Variants in ADCY2 observed in about 807,000 individuals in gnomAD.
ADCY2 encodes the protein adenylate cyclase 2, also known as adenylate cyclase type 2.
A neutral mutation model predicts 125.2 loss-of-function variants in ADCY2; 31 were observed. The ratio of observed to expected loss-of-function variants is 0.25; its 90% CI spans 0.19 to 0.33. The LOEUF is 0.33. Among genes scored for constraint, ADCY2 ranks in the 10% least tolerant of loss-of-function variants. The pLI is 1.00. For synonymous variants in ADCY2, 512 were observed against 548.4 expected (o/e 0.93, Z 0.93); for missense variants, 904 against 1,418.2 (o/e 0.64, Z 5.82).
At chr5:7,789,159 CAATGA>C (rs1744174742) in intron 19 of ADCY2, among the ~76,000 whole-genome samples, 1 of 152,156 alleles carries the variant, frequency 6.6e-6, no homozygotes, top group East Asian at 1.9e-4. Flanking sequence ...CCATATTTTG[CAATGA>C]TTACATAATT....
intron 14 of ADCY2, among the ~76,000 whole-genome samples, chr5:7,733,274 T>C (rs1474315592): frequency 6.6e-6 from 1 of 152,208 alleles, no homozygotes; most frequent in Non-Finnish European, 1.5e-5. Context: ...CTAGTATCAG[T>C]TTCATTACTT....
chr5:7,581,628 G>A (rs956130885), intron 3 of ADCY2, among the ~76,000 whole-genome samples: 1 of 151,360 alleles, frequency 6.6e-6, no homozygotes, highest in African/African-American at 2.4e-5. Context: ...GACCATCCTG[G>A]CCAACCTGGT....
chr5:7,658,769 C>T (rs1296564598), intron 4 of ADCY2, among the ~76,000 whole-genome samples: 4 of 152,186 alleles, frequency 2.6e-5, no homozygotes, highest in Admixed American at 6.5e-5. Context: ...AATTCCAAAA[C>T]CTGCAGGGTG....
chr5:7,584,496 AT>A (rs1262871487), intron 3 of ADCY2, among the ~76,000 whole-genome samples: 1 of 152,160 alleles, frequency 6.6e-6, no homozygotes, highest in Non-Finnish European at 1.5e-5. Flanking sequence ...AACTGTGTTC[AT>A]AAAGAAATAG....
chr5:7,599,047 T>C (rs1490214399), intron 3 of ADCY2, among the ~76,000 whole-genome samples: 1 of 152,222 alleles, frequency 6.6e-6, no homozygotes. Flanking sequence ...TTTGGTGACT[T>C]CTGACAGATG....
chr5:7,545,376 A>G (rs1232675287), intron 3 of ADCY2, among the ~76,000 whole-genome samples: 1 of 152,160 alleles, frequency 6.6e-6, no homozygotes, highest in African/African-American at 2.4e-5. Flanking sequence ...AAAATAATTT[A>G]TTAGAGAACC....
At chr5:7,577,689 G>A (rs1219578691) in intron 3 of ADCY2, among the ~76,000 whole-genome samples, 1 of 151,866 alleles carries the variant, frequency 6.6e-6, no homozygotes, top group African/African-American at 2.4e-5. Flanking sequence ...AATTACCAGT[G>A]TTAATGATAA....
At chr5:7,703,637 A>G (rs1741164082) in intron 7 of ADCY2, among the ~76,000 whole-genome samples, 1 of 152,074 alleles carries the variant, frequency 6.6e-6, no homozygotes, top group Non-Finnish European at 1.5e-5. Flanking sequence ...GCCTTGTAGT[A>G]TAGTTTGAAG....
intron 24 of ADCY2, among the ~76,000 whole-genome samples, chr5:7,826,209 C>T (rs1415092185): frequency 6.6e-6 from 1 of 152,170 alleles, no homozygotes; most frequent in Non-Finnish European, 1.5e-5. Flanking sequence ...CTCAGTGCTC[C>T]TTCTCGGGGT....
intron 3 of ADCY2, among the ~76,000 whole-genome samples, chr5:7,570,280 G>C (rs911060321): frequency 2.0e-5 from 3 of 152,090 alleles, no homozygotes; most frequent in African/African-American, 7.2e-5. Flanking sequence ...GACCAGAACA[G>C]CTGAACTGTG....
At chr5:7,642,462 A>T (rs1738744990) in intron 4 of ADCY2, among the ~76,000 whole-genome samples, 1 of 152,060 alleles carries the variant, frequency 6.6e-6, no homozygotes, top group African/African-American at 2.4e-5. Context: ...AATTTCTCCC[A>T]TTCTGTAGGC....
intron 3 of ADCY2, among the ~76,000 whole-genome samples, chr5:7,529,245 C>A (rs56166816): frequency 0.82 from 124,505 of 151,966 alleles, 54,563 homozygotes; most frequent in Non-Finnish European, 0.97. Context: ...GGAATGAGGA[C>A]TTAATGAAAA....
intron 4 of ADCY2, among the ~76,000 whole-genome samples, chr5:7,663,258 G>C (rs6874171): frequency 0.74 from 113,108 of 152,264 alleles, 42,948 homozygotes; most frequent in East Asian, 1. Context: ...GAAACCTATA[G>C]CAGCACCAAC....
At chr5:7,446,955 T>G (rs1167067416) in intron 2 of ADCY2, among the ~76,000 whole-genome samples, 2 of 152,218 alleles carry the variant, frequency 1.3e-5, no homozygotes, top group Non-Finnish European at 2.9e-5. Flanking sequence ...CCAAAATTAA[T>G]GAGTATCCAC....
intron 3 of ADCY2, among the ~76,000 whole-genome samples, chr5:7,580,646 G>A (rs948257823): frequency 7.2e-5 from 11 of 152,154 alleles, no homozygotes; most frequent in African/African-American, 2.4e-4. Context: ...GAGTGAGAGA[G>A]GATGGAGAAG....
intron 15 of ADCY2, among the ~76,000 whole-genome samples, chr5:7,754,742 A>G (rs1383241162): frequency 6.6e-6 from 1 of 151,500 alleles, no homozygotes; most frequent in Non-Finnish European, 1.5e-5. Flanking sequence ...AAAAAAACTC[A>G]GCTACTCAGG....
chr5:7,654,679 TCTCCAAACACCCCAC>T (rs1253372486), intron 4 of ADCY2, among the ~76,000 whole-genome samples: 1 of 152,128 alleles, frequency 6.6e-6, no homozygotes, highest in Non-Finnish European at 1.5e-5. Context: ...TCCTTTTGTG[TCTCCAAACACCCCAC>T]CTTCCTTGCC....
intron 3 of ADCY2, among the ~76,000 whole-genome samples, chr5:7,547,993 C>G (rs1341435889): frequency 6.6e-6 from 1 of 152,222 alleles, no homozygotes; most frequent in East Asian, 1.9e-4. Flanking sequence ...ATAAATTCCT[C>G]CTAGTTTCTG....
At chr5:7,577,302 T>C (rs1441689854) in intron 3 of ADCY2, among the ~76,000 whole-genome samples, 1 of 152,186 alleles carries the variant, frequency 6.6e-6, no homozygotes, top group Non-Finnish European at 1.5e-5. Context: ...AAAAGTAAGA[T>C]AGTCTTAAAG....
Sources: gnomAD v4.1 joint callset for allele counts (sites outside exome capture counted in the v4.1 genomes callset) on GRCh38, gnomAD v4.1.1 for gene constraint, MANE v1.5 for transcripts, NCBI Gene and HGNC (gene_info 2026-07-23, HGNC 2026-07-21) for gene names.